The following ITPKC variants were observed in gnomAD, a reference collection of about 807,000 sequenced individuals.
ITPKC encodes IP3 3-kinase C.
ITPKC carries 33 observed loss-of-function variants against 67.1 expected under a neutral mutation model. The ratio of observed to expected loss-of-function variants is 0.49; its 90% CI spans 0.37 to 0.66. The LOEUF (loss-of-function observed/expected upper bound fraction) is 0.66, where lower values mean the gene tolerates loss of function less well. ITPKC is among the 30% of genes least tolerant of loss of function. The pLI is 0.00. For synonymous variants in ITPKC, 341 were observed against 359.8 expected (o/e 0.95, Z 0.59); for missense variants, 820 against 892.1 (o/e 0.92, Z 1.03).
At chr19:40,723,866 G>A (rs1233657642) in intron 1 of ITPKC, among the ~76,000 whole-genome samples, 1 of 152,174 alleles carries the variant, frequency 6.6e-6, no homozygotes, top group African/African-American at 2.4e-5. Context: ...ATTTTCTGCA[G>A]TAACAAAGAG....
intron 3 of ITPKC, among the ~76,000 whole-genome samples, chr19:40,732,643 G>A (rs962221681): frequency 1.3e-5 from 2 of 152,004 alleles, no homozygotes; most frequent in African/African-American, 4.8e-5. Context: ...TGTTGCCGAG[G>A]CTGATCTTGA....
At chr19:40,722,738 G>A (rs140368438) in intron 1 of ITPKC, among the ~76,000 whole-genome samples, 31 of 152,234 alleles carry the variant, frequency 2.0e-4, no homozygotes, top group Non-Finnish European at 3.8e-4. Flanking sequence ...ATGATACAAC[G>A]AAAACCCTGT....
chr19:40,726,241 CAA>C (rs3042311), intron 2 of ITPKC, among the ~76,000 whole-genome samples: 69,141 of 146,638 alleles, frequency 0.47, 16,594 homozygotes, highest in South Asian at 0.59. Context: ...AACTTCGTCT[CAA>C]AAAAAAAAAA....
At chr19:40,729,460 G>T (rs1034303277) in intron 3 of ITPKC, 45 bp downstream of exon 3, 1 of 1,540,586 alleles carries the variant, frequency 6.5e-7, no homozygotes, top group Non-Finnish European at 8.9e-7. Context: ...GGCAGGGGGT[G>T]GGCATTATTG....
intron 4 of ITPKC, 106 bp downstream of exon 4, chr19:40,733,470 T>C (rs2082281275): frequency 1.8e-6 from 2 of 1,081,150 alleles, no homozygotes; most frequent in African/African-American, 1.6e-5. Flanking sequence ...CGGCGTGGGA[T>C]GAAAGGCTGG....
chr19:40,733,466 G>A (rs1470939025), intron 4 of ITPKC, 102 bp downstream of exon 4: 1 of 1,098,610 alleles, frequency 9.1e-7, no homozygotes, highest in Non-Finnish European at 1.3e-6. Context: ...GAGACGGCGT[G>A]GGATGAAAGG....
At chr19:40,722,933 C>T (rs1445713126) in intron 1 of ITPKC, among the ~76,000 whole-genome samples, 5 of 151,386 alleles carry the variant, frequency 3.3e-5, no homozygotes, top group Non-Finnish European at 7.4e-5. Context: ...CACACCACCA[C>T]GCCTAGCTGA....
At chr19:40,719,953 TTA>T (rs2082213721) in intron 1 of ITPKC, among the ~76,000 whole-genome samples, 1 of 152,100 alleles carries the variant, frequency 6.6e-6, no homozygotes, top group Non-Finnish European at 1.5e-5. Flanking sequence ...TTTTTTTTTT[TTA>T]GTCTTTTTTG....
rs1364724476 is a variant in ITPKC, at chr19:40,717,146, G to C, written c.11G>C (p.Cys4Ser). 8.1e-7 allele frequency: 1 copy of C among 1,227,040 alleles called. No homozygotes were observed. Among genetic ancestry groups the C allele is most frequent in the African/African-American group, 1.6e-5 (1 of 64,224 alleles). 76.0% of individuals were successfully genotyped at this position (1,227,040 alleles called of 1,614,324 possible). Reference protein sequence around the residue: MRRCPCRGSLNEAE... With the variant: MRRSPCRGSLNEAE... ...ACCGAAGGAGCGGGCATGAGGCGCT[G>C]CCCGTGCCGTGGGAGCCTGAACGAG... Residue 4 changes from cysteine (C) to serine (S), a missense_variant, in exon 1 of 7, where the codon TGC (cysteine) becomes TCC (serine). By Grantham distance (112) the Cys-to-Ser change is moderately radical (BLOSUM62 -1). Coordinates refer to ENST00000263370, the MANE Select transcript of ITPKC (RefSeq NM_025194.3).
chr19:40,734,119 G>A (rs1009591246), intron 4 of ITPKC, among the ~76,000 whole-genome samples: 4 of 151,924 alleles, frequency 2.6e-5, no homozygotes, highest in Non-Finnish European at 5.9e-5. Flanking sequence ...TCCTCAGTAC[G>A]CATACTGATT....
intron 2 of ITPKC, 52 bp from the exon 3 acceptor site, chr19:40,729,150 G>C (rs1481264046): frequency 2.7e-6 from 4 of 1,466,500 alleles, no homozygotes; most frequent in Non-Finnish European, 3.8e-6. Flanking sequence ...CTGCGGAGAG[G>C]TTCTCTTCCT....
chr19:40,734,212 T>C (rs1414537663), intron 4 of ITPKC, among the ~76,000 whole-genome samples: 1 of 152,228 alleles, frequency 6.6e-6, no homozygotes, highest in Admixed American at 6.5e-5. Flanking sequence ...TTTCTGTTTT[T>C]TTTTCCCCCA....
rs781232808 is a variant in ITPKC, at chr19:40,729,355, T to C, written c.1409T>C (p.Met470Thr). The C allele has an allele frequency of 6.2e-7, 1 of 1,614,102 alleles. No individual in the cohort carries two copies. Among genetic ancestry groups the C allele is most frequent in the Non-Finnish European group, 8.5e-7 (1 of 1,180,002 alleles). ...VLQDGQTFNQ[M>T]EDLLADFEGP... ...CAGGATGGCCAGACCTTCAACCAGA[T>C]GGAAGACCTCCTGGCTGACTTTGAG... Residue 470 changes from methionine (M) to threonine (T), a missense_variant, in exon 3 of 7, where the codon ATG becomes ACG. Around this residue, in one of 2 missense-constraint regions of ITPKC, gnomAD observed 339 missense variants for 422.0 expected, o/e 0.80. Coordinates refer to ENST00000263370, the MANE Select transcript of ITPKC (RefSeq NM_025194.3).
At chr19:40,731,197 G>A (rs1415442105) in intron 3 of ITPKC, among the ~76,000 whole-genome samples, 1 of 152,154 alleles carries the variant, frequency 6.6e-6, no homozygotes, top group African/African-American at 2.4e-5. Flanking sequence ...TTAGGAACGG[G>A]GCCCCACCGT....
At position 40,725,412 on chromosome 19, in the gene ITPKC, C is replaced by G; in HGVS notation, c.1228C>G (p.Pro410Ala). 11 of 1,612,702 alleles carry G rather than the reference C, an allele frequency of 6.8e-6. No individual in the cohort carries two copies. The highest frequency in any genetic ancestry group is 9.3e-6 in the Non-Finnish European group (11 of 1,178,634). The change falls in exon 2 of 7, where the codon CCT (proline) becomes GCT (alanine). Residue 410 changes from proline (P) to alanine (A), a missense_variant. Pro to Ala is a conservative substitution (Grantham distance 27). Around this residue, in one of 2 missense-constraint regions of ITPKC, gnomAD observed 339 missense variants for 422.0 expected, o/e 0.80. Coordinates refer to ENST00000263370, the MANE Select transcript of ITPKC (RefSeq NM_025194.3). ...PFVVSFRKHY[P>A]WVQLSGHAGN... ...TGTGGTCTCCTTCCGAAAACACTAC[C>G]CTTGGGTCCAGCTTTCTGGACATGC...
chr19:40,729,121 A>T (rs994997521), intron 2 of ITPKC, 81 bp from the exon 3 acceptor site: 39 of 1,087,522 alleles, frequency 3.6e-5, no homozygotes, highest in Non-Finnish European at 4.8e-5. Flanking sequence ...GGTGGCCAGG[A>T]TCTGATGCAA....
intron 1 of ITPKC, among the ~76,000 whole-genome samples, chr19:40,718,970 G>T (rs1042681006): frequency 6.6e-6 from 1 of 152,140 alleles, no homozygotes; most frequent in Non-Finnish European, 1.5e-5. Flanking sequence ...CCCAGCTTGG[G>T]TGTGGCTCTC....
chr19:40,717,428 C>T lies in ITPKC; in HGVS notation c.293C>T (p.Ala98Val), dbSNP rs780537334. 18 of 1,613,756 alleles carry T rather than the reference C, an allele frequency of 1.1e-5. No homozygotes were observed. The highest frequency in any genetic ancestry group is 8.0e-5 in the African/African-American group (6 of 74,924). ...EFWTDGQTEP[A>V]AAGLGVETER... ...TGGACAGACGGACAGACTGAGCCCGCGGCAGCTGGCCTTGGAGTAGAGACC... is the reference window on the plus strand; with the variant it reads ...TGGACAGACGGACAGACTGAGCCCGTGGCAGCTGGCCTTGGAGTAGAGACC... The change falls in exon 1 of 7, where the codon GCG becomes GTG. Residue 98 changes from alanine to valine, a missense_variant. Physicochemically the swap from Ala to Val is moderately conservative, Grantham distance 64. This residue lies in a region of ITPKC where 481 missense variants were observed against 470.1 expected (regional missense o/e 1.02). Coordinates refer to ENST00000263370, the MANE Select transcript of ITPKC (RefSeq NM_025194.3).
chr19:40,717,330 C>G lies in ITPKC; in HGVS notation c.195C>G (p.Ser65=). The part of the protein sequence containing the change: ...GGGPWARTEG[S]SLHSEPERAG... ...GGCCCTGGGCCCGGACAGAGGGGTC[C>G]AGCCTCCACAGCGAGCCTGAGAGGG... Residue 65 remains serine (S), a synonymous_variant, in exon 1 of 7, where the codon TCC becomes TCG. Transcript: ENST00000263370. The G allele has an allele frequency of 6.3e-7, 1 of 1,599,878 alleles. No individual in the cohort carries two copies. Among genetic ancestry groups the G allele is most frequent in the Non-Finnish European group, 8.5e-7 (1 of 1,175,184 alleles).
Sources: allele counts gnomAD v4.1 joint callset (sites outside exome capture counted in the v4.1 genomes callset), GRCh38; gene constraint gnomAD v4.1.1; regional missense constraint gnomAD v4.1.1; transcripts MANE v1.5; gene names NCBI Gene and HGNC (gene_info 2026-07-23, HGNC 2026-07-21).